The following ATP8B1 variants were observed in gnomAD, a reference collection of about 807,000 sequenced individuals.
The protein encoded by ATP8B1 is phospholipid-transporting ATPase IC.
A neutral mutation model predicts 149.9 loss-of-function variants in ATP8B1; 80 were observed. That is an observed-to-expected ratio of 0.53 (90% CI 0.45 to 0.64). The LOEUF is 0.64. ATP8B1 is among the 30% of genes least tolerant of loss of function. ATP8B1 has a pLI of 0.00. For missense variants in ATP8B1, 1,247 were observed against 1,552.6 expected, an observed-to-expected ratio of 0.80 and a Z score of 3.31; for synonymous variants, 536 against 562.8, an observed-to-expected ratio of 0.95 and a Z score of 0.67.
intron 1 of ATP8B1, among the ~76,000 whole-genome samples, chr18:57,766,298 G>T (rs1380402218): frequency 6.6e-6 from 1 of 152,042 alleles, no homozygotes; most frequent in Non-Finnish European, 1.5e-5. Flanking sequence ...ACAGGCAGGA[G>T]CCACCGAGCC....
In ATP8B1 at chr18:57,652,348, A is replaced by AGAGAT. The variant is rs1269760065; in HGVS notation, c.3261+131_3261+135dup. On this transcript the variant is annotated intron_variant, in intron 25 of 27. Transcript: ENST00000648908. ...AGAAATAGAAAATGTGCTTGGTATA[A>AGAGAT]GAGATGAAAATAGCATTTATATTTT... 1.1e-5 allele frequency: 16 copies of AGAGAT among 1,470,028 alleles called. No individual in the cohort carries two copies. The South Asian group carries it at 1.9e-4, about 17-fold the overall frequency. The allele number at this position is 1,470,028 out of a possible 1,614,324, so 91.1% of individuals were successfully genotyped here. A position where few individuals can be genotyped will look rare whatever the true frequency, so the allele number is the denominator to read the frequency against.
intron 1 of ATP8B1, among the ~76,000 whole-genome samples, chr18:57,790,300 G>T (rs28695637): frequency 0.026 from 3,863 of 148,918 alleles, 171 homozygotes; most frequent in African/African-American, 0.092. Flanking sequence ...CTCATTCCCT[G>T]CCCCCACCCC....
At chr18:57,656,153 C>T (rs146186448) in intron 22 of ATP8B1, among the ~76,000 whole-genome samples, 2 of 152,050 alleles carry the variant, frequency 1.3e-5, no homozygotes, top group Non-Finnish European at 2.9e-5. Flanking sequence ...CCAGCCTAGA[C>T]CCTGCTTCTG....
chr18:57,707,250 T>G (rs546876771), intron 2 of ATP8B1, among the ~76,000 whole-genome samples: 2 of 152,036 alleles, frequency 1.3e-5, no homozygotes, highest in Admixed American at 1.3e-4. Context: ...GAGCTGAGAT[T>G]GCGCCACTGC....
chr18:57,691,040 T>C (rs1912501010), intron 12 of ATP8B1, among the ~76,000 whole-genome samples: 1 of 152,000 alleles, frequency 6.6e-6, no homozygotes, highest in African/African-American at 2.4e-5. Flanking sequence ...CCAGACATGG[T>C]GATGGGCACC....
chr18:57,748,920 G>A (rs949367947), intron 1 of ATP8B1, among the ~76,000 whole-genome samples: 14 of 152,204 alleles, frequency 9.2e-5, no homozygotes, highest in Admixed American at 7.9e-4. Context: ...CTGAACTAGG[G>A]ATGACTCATG....
At chr18:57,686,802 C>T (rs2087874134) in intron 13 of ATP8B1, among the ~76,000 whole-genome samples, 1 of 152,146 alleles carries the variant, frequency 6.6e-6, no homozygotes, top group Non-Finnish European at 1.5e-5. Context: ...TCCCAAGGTG[C>T]TGGGATTGCA....
chr18:57,750,642 A>G (rs572025582), intron 1 of ATP8B1, among the ~76,000 whole-genome samples: 12 of 152,294 alleles, frequency 7.9e-5, no homozygotes, highest in African/African-American at 2.6e-4. Flanking sequence ...CATTCTGGCT[A>G]TTGCCCTACC....
chr18:57,783,830 G>A (rs150656927), intron 1 of ATP8B1, among the ~76,000 whole-genome samples: 2 of 151,240 alleles, frequency 1.3e-5, no homozygotes, highest in Non-Finnish European at 2.9e-5. Flanking sequence ...GTGAGACCCC[G>A]TCTTAAAAAA....
chr18:57,719,665 C>T (rs553889258), intron 2 of ATP8B1, among the ~76,000 whole-genome samples: 1,893 of 152,272 alleles, frequency 0.012, 37 homozygotes, highest in African/African-American at 0.043. Flanking sequence ...AACTGCAAGG[C>T]GGCAGCGAGG....
rs1052196266 is a variant in ATP8B1 at position 57,646,504 on chromosome 18, G to C, written c.*1984C>G. 6.6e-6 allele frequency: 1 copy of C among 152,434 alleles called. No homozygotes were observed. Among genetic ancestry groups the C allele is most frequent in the Non-Finnish European group, 1.5e-5 (1 of 68,020 alleles). The allele number at this position is 152,434 out of a possible 1,614,324, so 9.4% of individuals were successfully genotyped here. A position where few individuals can be genotyped will look rare whatever the true frequency, so the allele number is the denominator to read the frequency against. On this transcript the variant is annotated 3_prime_UTR_variant, in exon 28 of 28. Coordinates refer to ENST00000648908, the MANE Select transcript of ATP8B1 (RefSeq NM_001374385.1). Reference sequence around the variant, plus strand: ...TAAACAAAATATACATTAAATCTCAGATTTACAGAATATAGAAATAATTTA... The same window carrying C: ...TAAACAAAATATACATTAAATCTCACATTTACAGAATATAGAAATAATTTA...
In ATP8B1 at chr18:57,649,190, ATATCTATC is replaced by A. The variant is rs71171056; in HGVS notation, c.3532-486_3532-479del. Among the ~76,000 whole-genome samples, 10 of 148,216 alleles carry A rather than the reference ATATCTATC, an allele frequency of 6.7e-5. No individual in the cohort carries two copies. In the East Asian group the frequency reaches 8.0e-4, roughly 12 times the overall value. On this transcript the variant is annotated intron_variant, in intron 27 of 27. Coordinates refer to ENST00000648908, the MANE Select transcript of ATP8B1 (RefSeq NM_001374385.1). Reference sequence around the variant, plus strand: ...CAGGCATGAACCACAGTGCTTGGCTATATCTATCTATCTATCTATCTATCTATCTATAT... The same window carrying A: ...CAGGCATGAACCACAGTGCTTGGCTATATCTATCTATCTATCTATCTATAT...
rs563557584 is a variant in ATP8B1 at position 57,800,080 on chromosome 18, A to G, written c.-26+2918T>C. Among the ~76,000 whole-genome samples the G allele has an allele frequency of 3.9e-5, 6 of 152,366 alleles. 1 individual carries two copies. Among genetic ancestry groups the G allele is most frequent in the African/African-American group, 1.2e-4 (5 of 41,584 alleles). On this transcript the variant is annotated intron_variant, in intron 1 of 27. Coordinates refer to ENST00000648908, the MANE Select transcript of ATP8B1 (RefSeq NM_001374385.1). ...AGACCTGAAAACTCACAAGATACCT[A>G]AAGACACCACTAAGAAAAACTTTCC...
At position 57,697,647 on chromosome 18, in the gene ATP8B1, G is replaced by A; in HGVS notation, c.669C>T (p.Leu223=). 2 of 1,613,978 alleles carry A rather than the reference G, an allele frequency of 1.2e-6. No homozygotes were observed. Among genetic ancestry groups the A allele is most frequent in the Non-Finnish European group, 1.7e-6 (2 of 1,180,020 alleles). The change falls in exon 8 of 28, where the codon CTC becomes CTT. Residue 223 remains leucine (L), a synonymous_variant. Transcript: ENST00000648908. ...LLLSSSEPNS[L]CYVETAELDG... ...CCAGTTCTGCTGTTTCCACATAGCA[G>A]AGGCTGTTAGGCTCAGAGCTAGACA...
intron 1 of ATP8B1, among the ~76,000 whole-genome samples, chr18:57,764,458 G>C: frequency 7.0e-6 from 1 of 142,472 alleles, no homozygotes; most frequent in East Asian, 2.1e-4. Flanking sequence ...TTGCTCTGTA[G>C]CCCAGGCTGG....
rs1568043839 is a variant in ATP8B1, at chr18:57,732,099, A to ATATATATGTATATATG, written c.-25-268_-25-267insCATATATACATATATA. 3 of 113,562 alleles carry ATATATATGTATATATG rather than the reference A, an allele frequency of 2.6e-5. 1 individual carries two copies. Among genetic ancestry groups the ATATATATGTATATATG allele is most frequent in the African/African-American group, 1.4e-4 (3 of 21,850 alleles). The allele number at this position is 113,562 out of a possible 1,614,324, so 7.0% of individuals were successfully genotyped here. A position where few individuals can be genotyped will look rare whatever the true frequency, so the allele number is the denominator to read the frequency against. The stretch of plus-strand genomic sequence containing the variant: ...AGGGTATATATATATATGTATGTGT[A>ATATATATGTATATATG]TATATATATGTATATATGTATATAT... On this transcript the variant is annotated intron_variant, in intron 1 of 27. Transcript: ENST00000648908.
intron 1 of ATP8B1, chr18:57,740,966 T>G (rs1322572219): frequency 6.6e-6 from 1 of 152,182 alleles, no homozygotes; most frequent in Non-Finnish European, 1.5e-5. Context: ...AGATGGAGTC[T>G]TGCTCTGTTG....
rs908525113 is a variant in ATP8B1, at chr18:57,696,282, C to T, written c.699-750G>A. Among the ~76,000 whole-genome samples the T allele has an allele frequency of 5.3e-5, 8 of 152,000 alleles. 1 individual carries two copies. Among genetic ancestry groups the T allele is most frequent in the Admixed American group, 1.3e-4 (2 of 15,264 alleles). On this transcript the variant is annotated intron_variant, in intron 8 of 27. Coordinates refer to ENST00000648908, the MANE Select transcript of ATP8B1 (RefSeq NM_001374385.1). Reference sequence around the variant, plus strand: ...TAGTTGAGAATAAACAGTCGGGCGCCGCGGCTCACGCATGTAATGGCAGCA... The same window carrying T: ...TAGTTGAGAATAAACAGTCGGGCGCTGCGGCTCACGCATGTAATGGCAGCA...
Position 57,751,454 on chromosome 18 carries a change from G to GAA in ATP8B1, c.-25-19624_-25-19623dup, listed in dbSNP as rs371060012. On this transcript the variant is annotated intron_variant, in intron 1 of 27. Coordinates refer to ENST00000648908, the MANE Select transcript of ATP8B1 (RefSeq NM_001374385.1). ...TTGCAGTAAGCCAAGATGCTGTCTT[G>GAA]AAAAAAAAAAAAAGGGAATTTATTT... is the stretch of plus-strand genomic sequence containing the variant. Among the ~76,000 whole-genome samples, 372 of 135,334 alleles carry GAA rather than the reference G, an allele frequency of 2.7e-3. 1 individual carries two copies. The Middle Eastern group carries it at 0.03, about 11-fold the overall frequency. 88.8% of individuals were successfully genotyped at this position (135,334 alleles called of 152,430 possible). A position where few individuals can be genotyped will look rare whatever the true frequency, so the allele number is the denominator to read the frequency against.
Sources: gnomAD v4.1 joint callset for allele counts (sites outside exome capture counted in the v4.1 genomes callset) on GRCh38, gnomAD v4.1.1 for gene constraint, MANE v1.5 for transcripts, NCBI Gene and HGNC (gene_info 2026-07-23, HGNC 2026-07-21) for gene names.